The following CNTNAP5 variants were observed in gnomAD, a reference collection of about 807,000 sequenced individuals.
CNTNAP5 encodes the protein contactin associated protein family member 5.
In CNTNAP5, 72 loss-of-function variants were observed where a neutral mutation model predicts 150.2. The ratio of observed to expected loss-of-function variants is 0.48; its 90% CI spans 0.40 to 0.58. The LOEUF is 0.58. Ranked by LOEUF, CNTNAP5 falls within the 20% of genes least tolerant of loss-of-function variation. The probability of loss-of-function intolerance (pLI) is 0.00; values close to 1 mark genes in which losing one functional copy is unlikely to be tolerated. For synonymous variants in CNTNAP5, 672 were observed against 619.8 expected (o/e 1.08, Z -1.25); for missense variants, 1,636 against 1,626.2 (o/e 1.01, Z -0.10).
chr2:124,552,137 G>A (rs1016450851), intron 10 of CNTNAP5, among the ~76,000 whole-genome samples: 2 of 152,166 alleles, frequency 1.3e-5, no homozygotes, highest in Non-Finnish European at 2.9e-5. Flanking sequence ...CATGAGGAGT[G>A]TGTTATCAGA....
intron 4 of CNTNAP5, among the ~76,000 whole-genome samples, chr2:124,418,585 G>C (rs1306445442): frequency 6.6e-6 from 1 of 152,100 alleles, no homozygotes; most frequent in Non-Finnish European, 1.5e-5. Context: ...TAAAAATAAA[G>C]CCCTGCACAC....
chr2:124,034,407 A>T (rs757824455), intron 1 of CNTNAP5, among the ~76,000 whole-genome samples: 29 of 152,190 alleles, frequency 1.9e-4, no homozygotes, highest in Non-Finnish European at 3.4e-4. Context: ...GGGTAATCGG[A>T]TGGGTGAGTC....
intron 3 of CNTNAP5, among the ~76,000 whole-genome samples, chr2:124,252,990 GTATA>G (rs1687224748): frequency 6.6e-6 from 1 of 151,460 alleles, no homozygotes; most frequent in African/African-American, 2.4e-5. Context: ...ATCTGTATGT[GTATA>G]TATACACATA....
At chr2:124,594,713 T>C (rs1314931220) in intron 11 of CNTNAP5, among the ~76,000 whole-genome samples, 6 of 137,554 alleles carry the variant, frequency 4.4e-5, no homozygotes, top group Non-Finnish European at 9.4e-5. Context: ...ATTGAATCTG[T>C]AAATTACCTT....
At chr2:124,640,976 A>ATT (rs1157956751) in intron 12 of CNTNAP5, among the ~76,000 whole-genome samples, 1 of 151,850 alleles carries the variant, frequency 6.6e-6, no homozygotes, top group East Asian at 1.9e-4. Context: ...AAAATACAAA[A>ATT]TTAGCTGGGC....
At chr2:124,822,283 A>G (rs2104670586) in intron 19 of CNTNAP5, among the ~76,000 whole-genome samples, 1 of 152,204 alleles carries the variant, frequency 6.6e-6, no homozygotes, top group South Asian at 2.1e-4. Flanking sequence ...TTGATGTGAG[A>G]GCCTCTATTT....
chr2:124,676,289 G>T (rs1678937906), intron 13 of CNTNAP5, among the ~76,000 whole-genome samples: 2 of 152,168 alleles, frequency 1.3e-5, no homozygotes, highest in Admixed American at 1.3e-4. Flanking sequence ...TGGGATGTAA[G>T]AAACTAAGGT....
chr2:124,258,059 A>T (rs1687358426), intron 3 of CNTNAP5, among the ~76,000 whole-genome samples: 1 of 152,148 alleles, frequency 6.6e-6, no homozygotes. Context: ...GAACAGCTAG[A>T]CGTTAGCCCC....
At chr2:124,189,458 G>A (rs1487719692) in intron 1 of CNTNAP5, among the ~76,000 whole-genome samples, 1 of 152,096 alleles carries the variant, frequency 6.6e-6, no homozygotes, top group Non-Finnish European at 1.5e-5. Context: ...ACCCTGGAGA[G>A]GTTCCAGACT....
chr2:124,428,337 A>G (rs146530706), intron 4 of CNTNAP5, among the ~76,000 whole-genome samples: 126 of 152,340 alleles, frequency 8.3e-4, no homozygotes, highest in African/African-American at 3.0e-3. Flanking sequence ...CAATGGATGT[A>G]GAATTGCGTG....
chr2:124,783,083 C>T lies in CNTNAP5; in HGVS notation c.2753-6819C>T, dbSNP rs548414362. ...CATATTCGACCTCTGATTTCAGAAA[C>T]GGGTTAGTGGTATTCTTAGAAGGGG... On this transcript the variant is annotated intron_variant, in intron 17 of 23. Coordinates refer to ENST00000682447, the MANE Select transcript of CNTNAP5 (RefSeq NM_001367498.1). 2.6e-5 allele frequency among the ~76,000 whole-genome samples: 4 copies of T among 152,232 alleles called. No individual in the cohort carries two copies. The East Asian group carries it at 7.7e-4, about 29-fold the overall frequency.
At chr2:124,499,616 G>A (rs996275305) in intron 7 of CNTNAP5, among the ~76,000 whole-genome samples, 24 of 152,354 alleles carry the variant, frequency 1.6e-4, no homozygotes, top group South Asian at 1.2e-3. Flanking sequence ...TCTATCAGTA[G>A]TCAGCAACCA....
chr2:124,265,380 G>A (rs1687579269), intron 3 of CNTNAP5, among the ~76,000 whole-genome samples: 2 of 152,196 alleles, frequency 1.3e-5, no homozygotes, highest in Admixed American at 6.5e-5. Flanking sequence ...GCTAATAACG[G>A]CTCGCTGACT....
chr2:124,199,790 A>T (rs1187058029), intron 1 of CNTNAP5, among the ~76,000 whole-genome samples: 1 of 152,184 alleles, frequency 6.6e-6, no homozygotes, highest in Non-Finnish European at 1.5e-5. Context: ...TAGCTGGTGT[A>T]TCTAAACACA....
chr2:124,228,626 G>T (rs982983470), intron 2 of CNTNAP5, among the ~76,000 whole-genome samples: 2 of 152,122 alleles, frequency 1.3e-5, no homozygotes, highest in Non-Finnish European at 1.5e-5. Flanking sequence ...ATTGTTAAAT[G>T]GATTTGCTTC....
rs150230749 is a variant in CNTNAP5, at chr2:124,026,967, C to A, written c.82+1235C>A. Among the ~76,000 whole-genome samples, 874 of 152,232 alleles carry A rather than the reference C, an allele frequency of 5.7e-3. 8 individuals carry two copies. The highest frequency in any genetic ancestry group is 0.02 in the African/African-American group (815 of 41,514). On this transcript the variant is annotated intron_variant, in intron 1 of 23. Transcript: ENST00000682447. ...GTATAGAAAAATGTTCACAACTGAG[C>A]CAGTGTTTCTGTCTGTGGTCGGAAG...
intron 3 of CNTNAP5, among the ~76,000 whole-genome samples, chr2:124,308,937 T>G (rs908620197): frequency 6.6e-6 from 1 of 152,084 alleles, no homozygotes; most frequent in African/African-American, 2.4e-5. Context: ...TGAGTTATGC[T>G]CCTTACCTGT....
rs200129722 is a variant in CNTNAP5, at chr2:124,227,640, A to ATGTGTGTGTGTGTG, written c.187+5857_187+5870dup. ...AATATAAACTCAGCACATCGTGTGTATGTGTGTGTGTGTGTGTGTGTGTGT... is the reference window on the plus strand; with the variant it reads ...AATATAAACTCAGCACATCGTGTGTATGTGTGTGTGTGTGTGTGTGTGTGTGTGTGTGTGTGTGT... On this transcript the variant is annotated intron_variant, in intron 2 of 23. Transcript: ENST00000682447. Among the ~76,000 whole-genome samples the ATGTGTGTGTGTGTG allele has an allele frequency of 6.2e-4, 89 of 143,414 alleles. 2 individuals are homozygous for ATGTGTGTGTGTGTG. In the South Asian group the frequency reaches 0.015, roughly 25 times the overall value. 94.1% of individuals were successfully genotyped at this position (143,414 alleles called of 152,430 possible).
At chr2:124,492,567 C>T (rs1037584669) in intron 7 of CNTNAP5, among the ~76,000 whole-genome samples, 1 of 152,000 alleles carries the variant, frequency 6.6e-6, no homozygotes, top group Non-Finnish European at 1.5e-5. Context: ...AAGTCTTTTT[C>T]GGTTTCATAC....
Sources: gnomAD v4.1 joint callset for allele counts (sites outside exome capture counted in the v4.1 genomes callset) on GRCh38, gnomAD v4.1.1 for gene constraint, MANE v1.5 for transcripts, NCBI Gene and HGNC (gene_info 2026-07-23, HGNC 2026-07-21) for gene names.